Variants in SPINT1 observed in about 807,000 individuals in gnomAD.
SPINT1 encodes kunitz-type protease inhibitor 1.
In SPINT1, 38 loss-of-function variants were observed where a neutral mutation model predicts 53.7. That is an observed-to-expected ratio of 0.71 (90% CI 0.55 to 0.93). The LOEUF is 0.93. SPINT1 is among the 40% of genes least tolerant of loss of function. The pLI is 0.00. For missense variants in SPINT1, 645 were observed against 692.9 expected (o/e 0.93, Z 0.78); for synonymous variants, 283 against 280.6 (o/e 1.01, Z -0.08).
rs1891529574 is a variant in SPINT1 at position 40,853,599 on chromosome 15, C to T, written c.714C>T (p.Val238=). 3 of 1,613,882 alleles carry T rather than the reference C, an allele frequency of 1.9e-6. No individual in the cohort carries two copies. The highest frequency in any genetic ancestry group is 1.3e-5 in the African/African-American group (1 of 74,906). Residue 238 remains valine (V), a synonymous_variant, in exon 4 of 11, where the codon GTC becomes GTT. Transcript: ENST00000562057. ...DHPEDTANVT[V]TVLSTKQTED... is the part of the protein sequence containing the mutation. ...CAGAGGACACGGCCAACGTCACAGT[C>T]ACTGTGCTGTCCACCAAGCAGACAG...
intron 5 of SPINT1, 68 bp downstream of exon 5, chr15:40,853,949 TG>T (rs1306607106): frequency 6.2e-7 from 1 of 1,613,270 alleles, no homozygotes; most frequent in Admixed American, 1.7e-5. Flanking sequence ...CTCTCTCTTC[TG>T]TGGCCAGGGA....
At chr15:40,847,667 T>C (rs1596145404) in intron 2 of SPINT1, among the ~76,000 whole-genome samples, 1 of 152,214 alleles carries the variant, frequency 6.6e-6, no homozygotes, top group South Asian at 2.1e-4. Context: ...CTCTAGCCCT[T>C]TGCTCTCTTG....
intron 2 of SPINT1, among the ~76,000 whole-genome samples, chr15:40,845,318 ATTTTTTTTTTTTTT>A (rs34480117): frequency 2.1e-4 from 12 of 58,200 alleles, no homozygotes; most frequent in East Asian, 1.2e-3. Flanking sequence ...GACCCGGCTA[ATTTTTTTTTTTTTT>A]TTTTTTTTTT....
intron 2 of SPINT1, among the ~76,000 whole-genome samples, chr15:40,850,480 C>T (rs569630726): frequency 6.6e-6 from 1 of 152,240 alleles, no homozygotes; most frequent in Non-Finnish European, 1.5e-5. Context: ...TAGCATGCTG[C>T]CCAGCATACA....
intron 10 of SPINT1, 28 bp from the exon 11 acceptor site, chr15:40,856,742 C>A: frequency 6.2e-7 from 1 of 1,612,958 alleles, no homozygotes; most frequent in Non-Finnish European, 8.5e-7. Context: ...GCCCTGGGAG[C>A]CCCTTATTCT....
chr15:40,849,832 C>T (rs1322898597), intron 2 of SPINT1, among the ~76,000 whole-genome samples: 4 of 143,436 alleles, frequency 2.8e-5, no homozygotes, highest in African/African-American at 9.8e-5. Flanking sequence ...TTTGAAGGTA[C>T]ATCATGGACT....
At position 40,844,419 on chromosome 15, in the gene SPINT1, G is replaced by C. The variant is rs1410177520; in HGVS notation, c.-65-71G>C. ...TCCTCCCCGCCACTTCCTCCCGGCC[G>C]GCCCGCCTCCTCCAAAGTCTCCCGG... On this transcript the variant is annotated intron_variant, in intron 1 of 10. Transcript: ENST00000562057. The surrounding 1 kb of genome is among the most constrained non-coding windows in gnomAD (Gnocchi z 5.8). 4 of 945,232 alleles carry C rather than the reference G, an allele frequency of 4.2e-6. No homozygotes were observed. The highest frequency in any genetic ancestry group is 6.7e-6 in the Non-Finnish European group (4 of 597,326). The allele number at this position is 945,232 out of a possible 1,614,324, so 58.6% of individuals were successfully genotyped here. A position where few individuals can be genotyped will look rare whatever the true frequency, so the allele number is the denominator to read the frequency against.
chr15:40,855,021 A>G (rs1450309410), intron 8 of SPINT1, among the ~76,000 whole-genome samples: 3 of 152,230 alleles, frequency 2.0e-5, no homozygotes, highest in Admixed American at 6.5e-5. Flanking sequence ...CATCACTACC[A>G]TAAATGGGAA....
In SPINT1 at chr15:40,854,703, C is replaced by T; in HGVS notation, c.1117+14C>T. 1 of 1,614,034 alleles carries T rather than the reference C, an allele frequency of 6.2e-7. No individual in the cohort carries two copies. Among genetic ancestry groups the T allele is most frequent in the South Asian group, 1.1e-5 (1 of 91,078 alleles). On this transcript the variant is annotated intron_variant, in intron 8 of 10. Transcript: ENST00000562057. ...CCAGTGACAAAGGTGAGATCCTCCC[C>T]AGGTGCCCTGGATCAGGGCAGACGC... is the stretch of plus-strand genomic sequence containing the variant.
At chr15:40,850,484 G>C (rs1463518789) in intron 2 of SPINT1, among the ~76,000 whole-genome samples, 1 of 152,220 alleles carries the variant, frequency 6.6e-6, no homozygotes, top group Non-Finnish European at 1.5e-5. Flanking sequence ...ATGCTGCCCA[G>C]CATACACTCA....
intron 2 of SPINT1, among the ~76,000 whole-genome samples, chr15:40,845,351 G>A (rs1421006446): frequency 2.8e-4 from 14 of 49,454 alleles, no homozygotes; most frequent in Non-Finnish European, 4.4e-4. Flanking sequence ...TTTTTTTTTG[G>A]TACAGACGGG....
intron 2 of SPINT1, among the ~76,000 whole-genome samples, chr15:40,845,471 T>C (rs575566748): frequency 5.1e-4 from 78 of 152,086 alleles, no homozygotes; most frequent in African/African-American, 1.7e-3. Context: ...TCCTTAGAAG[T>C]AGGCAGTACA....
rs768662239 is a variant in SPINT1, at chr15:40,853,753, C to T, written c.785C>T (p.Ser262Phe). Residue 262 changes from serine (S) to phenylalanine (F), a missense_variant, in exon 5 of 11, where the codon TCT becomes TTT. Physicochemically the swap from Ser to Phe is radical, Grantham distance 155. Coordinates refer to ENST00000562057, the MANE Select transcript of SPINT1 (RefSeq NM_003710.4). ...ASNKVGRCRG[S>F]FPRWYYDPTE... ...AACAAGGTGGGTCGCTGCCGGGGCT[C>T]TTTCCCACGCTGGTACTATGACCCC... The T allele has an allele frequency of 1.1e-5, 18 of 1,614,066 alleles. No homozygotes were observed. The highest frequency in any genetic ancestry group is 1.5e-5 in the Non-Finnish European group (18 of 1,180,012).
At chr15:40,848,007 A>G (rs1299210622) in intron 2 of SPINT1, among the ~76,000 whole-genome samples, 1 of 152,186 alleles carries the variant, frequency 6.6e-6, no homozygotes, top group African/African-American at 2.4e-5. Context: ...GGTTGCCTCC[A>G]GACAGCCACT....
At chr15:40,845,317 A>ATTT (rs1566852110) in intron 2 of SPINT1, among the ~76,000 whole-genome samples, 3 of 79,646 alleles carry the variant, frequency 3.8e-5, no homozygotes, top group African/African-American at 1.6e-4. Flanking sequence ...AGACCCGGCT[A>ATTT]ATTTTTTTTT....
chr15:40,845,803 CTGG>C (rs1212900353), intron 2 of SPINT1, among the ~76,000 whole-genome samples: 1 of 152,214 alleles, frequency 6.6e-6, no homozygotes, highest in Non-Finnish European at 1.5e-5. Context: ...AAGCACTGGT[CTGG>C]GCACACCGAT....
Position 40,856,945 on chromosome 15 carries a change from G to C in SPINT1, c.1512G>C (p.Leu504=), listed in dbSNP as rs1180160032. 6.2e-7 allele frequency: 1 copy of C among 1,614,014 alleles called. No individual in the cohort carries two copies. ...TVSTTEDTEH[L]VYNHTTRPL ...CCACTACCGAGGACACGGAGCACCT[G>C]GTCTATAACCACACCACGCGGCCCC... The change falls in exon 11 of 11, where the codon CTG becomes CTC. Residue 504 remains leucine, a synonymous_variant. Transcript: ENST00000562057.
intron 2 of SPINT1, among the ~76,000 whole-genome samples, chr15:40,850,961 C>T (rs1010658439): frequency 2.0e-5 from 3 of 152,106 alleles, no homozygotes; most frequent in Non-Finnish European, 4.4e-5. Context: ...CAGGACTCTA[C>T]GCCACTGCTC....
intron 10 of SPINT1, 110 bp from the exon 11 acceptor site, chr15:40,856,660 G>A: frequency 3.9e-6 from 6 of 1,551,242 alleles, no homozygotes; most frequent in Non-Finnish European, 3.5e-6. Flanking sequence ...GGGTGCCCAT[G>A]TCCTTCCATA....
Sources: gnomAD v4.1 joint callset for allele counts (sites outside exome capture counted in the v4.1 genomes callset) on GRCh38, gnomAD v4.1.1 for gene constraint, Gnocchi (gnomAD v3.1) non-coding constraint, MANE v1.5 for transcripts, NCBI Gene and HGNC (gene_info 2026-07-23, HGNC 2026-07-21) for gene names.